The following CNTNAP3B variants were observed in gnomAD, a reference collection of about 807,000 sequenced individuals.
CNTNAP3B encodes contactin-associated protein-like 3B.
CNTNAP3B carries 25 observed loss-of-function variants against 108.9 expected under a neutral mutation model. The observed-to-expected ratio is 0.23, with a 90% CI of 0.17 to 0.32. The LOEUF is 0.32. CNTNAP3B is among the 10% of genes least tolerant of loss of function. The pLI is 1.00. For missense variants in CNTNAP3B, 252 were observed against 1,210.4 expected (o/e 0.21, Z 11.75); for synonymous variants, 103 against 473.4 (o/e 0.22, Z 10.16).
intron 3 of CNTNAP3B, among the ~76,000 whole-genome samples, chr9:42,034,241 T>TCTTAG (rs1206799859): frequency 8.2e-6 from 1 of 122,674 alleles, no homozygotes; most frequent in Non-Finnish European, 1.7e-5. Context: ...TAACTCTCCT[T>TCTTAG]CTTAGAGTGA....
chr9:41,953,133 G>A (rs554543388), intron 13 of CNTNAP3B, 50 bp downstream of exon 13: 3,744 of 1,464,592 alleles, frequency 2.6e-3, no homozygotes, highest in Non-Finnish European at 3.1e-3. Flanking sequence ...CAGCCCGAGG[G>A]CCGCGCCCCG....
chr9:41,929,936 A>ATGAT, intron 14 of CNTNAP3B, among the ~76,000 whole-genome samples: 1 of 152,124 alleles, frequency 6.6e-6, no homozygotes, highest in Non-Finnish European at 1.5e-5. Context: ...CCTGATCTAA[A>ATGAT]TGATTACAGA....
intron 1 of CNTNAP3B, among the ~76,000 whole-genome samples, chr9:42,126,916 G>T (rs1828583958): frequency 7.2e-6 from 1 of 138,362 alleles, no homozygotes; most frequent in African/African-American, 2.9e-5. Context: ...TCATCAACAG[G>T]CTGCCTTCGT....
At chr9:42,032,888 C>G (rs1417204763) in intron 3 of CNTNAP3B, among the ~76,000 whole-genome samples, 1 of 133,180 alleles carries the variant, frequency 7.5e-6, no homozygotes, top group Non-Finnish European at 1.6e-5. Context: ...TCTCTCTCTC[C>G]CCCTCTCTTC....
rs545021326 is a variant in CNTNAP3B, at chr9:42,112,420, C to G, written c.86-7681G>C. ...GGCGGCAGATGGGGATGAGAGGGAA[C>G]AGGAGAACCTCACTCCTGAGAAAGG... On this transcript the variant is annotated intron_variant, in intron 1 of 23. Coordinates refer to ENST00000377561, the MANE Select transcript of CNTNAP3B (RefSeq NM_001201380.3). Among the ~76,000 whole-genome samples the G allele has an allele frequency of 2.2e-5, 3 of 139,096 alleles. 1 individual carries two copies. The highest frequency in any genetic ancestry group is 8.6e-5 in the African/African-American group (3 of 34,912). 91.3% of individuals were successfully genotyped at this position (139,096 alleles called of 152,430 possible).
intron 13 of CNTNAP3B, among the ~76,000 whole-genome samples, chr9:41,939,308 T>G (rs1414260622): frequency 6.6e-6 from 1 of 152,310 alleles, no homozygotes; most frequent in African/African-American, 2.4e-5. Flanking sequence ...ACTCAACCAG[T>G]TTTTTAAACA....
At chr9:41,918,759 G>C (rs1823585240) in intron 18 of CNTNAP3B, among the ~76,000 whole-genome samples, 1 of 146,088 alleles carries the variant, frequency 6.8e-6, no homozygotes, top group South Asian at 2.2e-4. Flanking sequence ...ATCAGCACTT[G>C]TGCTCATGAA....
At chr9:41,961,158 T>A (rs1272134261) in intron 11 of CNTNAP3B, among the ~76,000 whole-genome samples, 2 of 152,308 alleles carry the variant, frequency 1.3e-5, no homozygotes, top group African/African-American at 2.4e-5. Context: ...AAATATTCGG[T>A]CACAGTGTAT....
Position 41,975,207 on chromosome 9 carries a change from G to A in CNTNAP3B, c.1478-4962C>T, listed in dbSNP as rs537082019. On this transcript the variant is annotated intron_variant, in intron 9 of 23. Coordinates refer to ENST00000377561, the MANE Select transcript of CNTNAP3B (RefSeq NM_001201380.3). ...CGGCAAGATCATCGTGGGCGACGCC[G>A]CAGAGAAAGATGCATTGAAAGGTCA... 1.2e-4 allele frequency: 23 copies of A among 189,462 alleles called. 5 individuals are homozygous for A. Among genetic ancestry groups the A allele is most frequent in the African/African-American group, 4.3e-4 (15 of 35,094 alleles). 11.7% of individuals were successfully genotyped at this position (189,462 alleles called of 1,614,324 possible). A position where few individuals can be genotyped will look rare whatever the true frequency, so the allele number is the denominator to read the frequency against.
intron 3 of CNTNAP3B, among the ~76,000 whole-genome samples, chr9:42,051,793 G>A (rs1288521348): frequency 5.9e-5 from 9 of 152,048 alleles, no homozygotes; most frequent in Non-Finnish European, 1.0e-4. Context: ...GTGTTCTTGG[G>A]ATATTTTTCA....
rs566250275 is a variant in CNTNAP3B, at chr9:42,112,203, G to A, written c.86-7464C>T. Among the ~76,000 whole-genome samples the A allele has an allele frequency of 1.5e-4, 21 of 140,062 alleles. 4 individuals are homozygous for A. The highest frequency in any genetic ancestry group is 2.1e-4 in the Admixed American group (3 of 14,092). 91.9% of individuals were successfully genotyped at this position (140,062 alleles called of 152,430 possible). On this transcript the variant is annotated intron_variant, in intron 1 of 23. Coordinates refer to ENST00000377561, the MANE Select transcript of CNTNAP3B (RefSeq NM_001201380.3). The stretch of plus-strand genomic sequence containing the variant: ...TGACATTGCAGCCCCTGCTGTCTGC[G>A]AGTTCCCATCACTTATTATCTTCAG...
At chr9:41,940,731 C>T (rs1468105878) in intron 13 of CNTNAP3B, among the ~76,000 whole-genome samples, 1 of 152,116 alleles carries the variant, frequency 6.6e-6, no homozygotes, top group Non-Finnish European at 1.5e-5. Flanking sequence ...AGGAGAATGG[C>T]GTGAACCCGG....
At chr9:42,115,433 C>T (rs62558083) in intron 1 of CNTNAP3B, among the ~76,000 whole-genome samples, 1,929 of 138,708 alleles carry the variant, frequency 0.014, 291 homozygotes, top group South Asian at 0.058. Context: ...GTCCCTGACC[C>T]CTGCGTAGCC....
chr9:41,940,375 A>C (rs1437931408), intron 13 of CNTNAP3B, among the ~76,000 whole-genome samples: 1 of 152,298 alleles, frequency 6.6e-6, no homozygotes, highest in African/African-American at 2.4e-5. Context: ...CTGCCTGTAA[A>C]AGAACCCTAA....
chr9:41,940,392 T>A (rs1824299869), intron 13 of CNTNAP3B, among the ~76,000 whole-genome samples: 1 of 152,306 alleles, frequency 6.6e-6, no homozygotes, highest in Non-Finnish European at 1.5e-5. Context: ...CTAATTTGAA[T>A]GATAGTAGAT....
rs1267994659 is a variant in CNTNAP3B, at chr9:41,928,164, A to T, written c.2365+1153T>A. ...GATTTCACCCTACTTGCAAGCTAACAATTTAGCTTGCCACAGATTAATGGA... is the reference window on the plus strand; with the variant it reads ...GATTTCACCCTACTTGCAAGCTAACTATTTAGCTTGCCACAGATTAATGGA... On this transcript the variant is annotated intron_variant, in intron 15 of 23. Coordinates refer to ENST00000377561, the MANE Select transcript of CNTNAP3B (RefSeq NM_001201380.3). Among the ~76,000 whole-genome samples, 139 of 152,320 alleles carry T rather than the reference A, an allele frequency of 9.1e-4. No individual in the cohort carries two copies. The South Asian group carries it at 0.029, about 31-fold the overall frequency.
chr9:41,940,336 G>C (rs887191437), intron 13 of CNTNAP3B, among the ~76,000 whole-genome samples: 16 of 152,258 alleles, frequency 1.1e-4, no homozygotes, highest in African/African-American at 3.6e-4. Context: ...AACAAATCTT[G>C]AAAGCAGCCT....
intron 14 of CNTNAP3B, among the ~76,000 whole-genome samples, chr9:41,935,170 C>A (rs1361198761): frequency 2.0e-5 from 3 of 150,308 alleles, no homozygotes; most frequent in Admixed American, 2.0e-4. Flanking sequence ...TATAATAAAT[C>A]TTTGGCATGT....
chr9:42,127,543 A>C (rs1020593562), intron 1 of CNTNAP3B, among the ~76,000 whole-genome samples: 2 of 139,246 alleles, frequency 1.4e-5, no homozygotes, highest in Non-Finnish European at 3.1e-5. Flanking sequence ...TTGGTCAATT[A>C]CTCTAGCATG....
Sources: gnomAD v4.1 joint callset for allele counts (sites outside exome capture counted in the v4.1 genomes callset) on GRCh38, gnomAD v4.1.1 for gene constraint, MANE v1.5 for transcripts, NCBI Gene and HGNC (gene_info 2026-07-23, HGNC 2026-07-21) for gene names.